The following UNC13C variants were observed in gnomAD, a reference collection of about 807,000 sequenced individuals.
The protein encoded by UNC13C is unc-13 homolog C.
UNC13C carries 174 observed loss-of-function variants against 245.4 expected under a neutral mutation model. That is an observed-to-expected ratio of 0.71 (90% confidence interval 0.63 to 0.80). The LOEUF (loss-of-function observed/expected upper bound fraction) is 0.80, where lower values mean the gene tolerates loss of function less well. Ranked by LOEUF, UNC13C falls within the 30% of genes least tolerant of loss-of-function variation. The probability of loss-of-function intolerance (pLI) is 0.00; values close to 1 mark genes in which losing one functional copy is unlikely to be tolerated. For missense variants in UNC13C, 2,829 were observed against 2,602.9 expected (o/e 1.09, Z -1.89); for synonymous variants, 992 against 895.1 (o/e 1.11, Z -1.93).
chr15:54,334,483 T>C (rs1044613184), intron 16 of UNC13C, among the ~76,000 whole-genome samples: 1 of 152,074 alleles, frequency 6.6e-6, no homozygotes, highest in African/African-American at 2.4e-5. Flanking sequence ...ATATACACTC[T>C]TTGAAAGACA....
At position 54,332,099 on chromosome 15, in the gene UNC13C, G is replaced by C. The variant is rs372157757; in HGVS notation, c.4482G>C (p.Leu1494=). The part of the protein sequence containing the change: ...DQLHNSLRID[L]SKYRENFPAS... ...TACATAACTCTTTGAGGATTGATCT[G>C]TCAAAGTATAGGGTATGTACAAATT... is the stretch of plus-strand genomic sequence containing the variant. The change falls in exon 15 of 33, where the codon CTG becomes CTC. Residue 1494 remains leucine (L), a synonymous_variant. Coordinates refer to ENST00000260323, the MANE Select transcript of UNC13C (RefSeq NM_001080534.3). 1.3e-6 allele frequency: 2 copies of C among 1,575,244 alleles called. No individual in the cohort carries two copies. Among genetic ancestry groups the C allele is most frequent in the African/African-American group, 1.3e-5 (1 of 74,280 alleles).
chr15:54,235,102 A>G lies in UNC13C; in HGVS notation c.3144A>G (p.Arg1048=), dbSNP rs750980503. ...LRRKKTLPIV[R]DVAMTLAARK... ...GAAAAAAAACTTTGCCTATTGTCCG[A>G]GATGTGGTAAGTTACAACTGTTTAA... is the stretch of plus-strand genomic sequence containing the variant. The change falls in exon 5 of 33, where the codon CGA becomes CGG. Residue 1048 remains arginine, a synonymous_variant. Coordinates refer to ENST00000260323, the MANE Select transcript of UNC13C (RefSeq NM_001080534.3). 2 of 1,613,778 alleles carry G rather than the reference A, an allele frequency of 1.2e-6. No homozygotes were observed. Among genetic ancestry groups the G allele is most frequent in the East Asian group, 2.2e-5 (1 of 44,870 alleles).
At chr15:54,420,102 ACT>A (rs948764370) in intron 19 of UNC13C, among the ~76,000 whole-genome samples, 1 of 151,828 alleles carries the variant, frequency 6.6e-6, no homozygotes, top group Non-Finnish European at 1.5e-5. Context: ...TAAAAGAGAA[ACT>A]CTCAGCTTGG....
At chr15:53,841,361 A>T in the UNC13C span, among the ~76,000 whole-genome samples, 1 of 152,186 alleles carries the variant, frequency 6.6e-6, no homozygotes, top group East Asian at 1.9e-4. Flanking sequence ...ATATCTTGAA[A>T]GCTTCAACCA....
At chr15:54,008,744 G>C (rs1242167114) in intron 1 of UNC13C, among the ~76,000 whole-genome samples, 2 of 152,074 alleles carry the variant, frequency 1.3e-5, no homozygotes, top group Non-Finnish European at 1.5e-5. Flanking sequence ...GGTTTGTATG[G>C]GCTGGGTGTA....
chr15:53,845,088 G>A, the UNC13C span, among the ~76,000 whole-genome samples: 1 of 152,236 alleles, frequency 6.6e-6, no homozygotes, highest in East Asian at 1.9e-4. Flanking sequence ...CACTTTGGGA[G>A]GCCAAGGTGG....
intron 8 of UNC13C, among the ~76,000 whole-genome samples, chr15:54,257,302 A>G (rs769860844): frequency 1.3e-5 from 2 of 152,184 alleles, no homozygotes; most frequent in Non-Finnish European, 2.9e-5. Context: ...TTGTTCCCCT[A>G]AACAATATAG....
chr15:54,210,954 G>A (rs1567101004), intron 4 of UNC13C, among the ~76,000 whole-genome samples: 1 of 152,072 alleles, frequency 6.6e-6, no homozygotes, highest in Non-Finnish European at 1.5e-5. Context: ...AAACAAATCT[G>A]TACTCTATTC....
At chr15:53,847,753 A>G in the UNC13C span, among the ~76,000 whole-genome samples, 1 of 152,110 alleles carries the variant, frequency 6.6e-6, no homozygotes, top group Non-Finnish European at 1.5e-5. Flanking sequence ...GGGATGACCC[A>G]GTGGAACAAA....
intron 30 of UNC13C, among the ~76,000 whole-genome samples, chr15:54,617,152 T>A (rs914471025): frequency 1.8e-4 from 27 of 152,010 alleles, no homozygotes; most frequent in Non-Finnish European, 2.5e-4. Flanking sequence ...TGCCCGTCAT[T>A]AAGTGACATG....
chr15:54,207,147 G>GATGATA (rs1423190171), intron 4 of UNC13C, among the ~76,000 whole-genome samples: 1 of 151,838 alleles, frequency 6.6e-6, no homozygotes, highest in Non-Finnish European at 1.5e-5. Context: ...TGATGATGAT[G>GATGATA]ATGATAATTA....
intron 30 of UNC13C, among the ~76,000 whole-genome samples, chr15:54,580,144 TG>T (rs1389424762): frequency 1.3e-5 from 2 of 152,222 alleles, no homozygotes; most frequent in African/African-American, 4.8e-5. Context: ...CGCCTGTTTT[TG>T]TTCACTGAGA....
rs761068844 is a variant in UNC13C at position 54,555,412 on chromosome 15, A to G, written c.5878-20A>G. ...ACATGAACTGGTTGTTTTATAAGCA[A>G]TTCTTCACCTGTTTTCCAGGAGCAC... On this transcript the variant is annotated intron_variant, in intron 28 of 32. Coordinates refer to ENST00000260323, the MANE Select transcript of UNC13C (RefSeq NM_001080534.3). 4 of 1,609,542 alleles carry G rather than the reference A, an allele frequency of 2.5e-6. No homozygotes were observed. The highest frequency in any genetic ancestry group is 1.1e-5 in the South Asian group (1 of 90,708).
intron 30 of UNC13C, among the ~76,000 whole-genome samples, chr15:54,612,457 A>C (rs1413824334): frequency 6.6e-6 from 1 of 152,040 alleles, no homozygotes; most frequent in African/African-American, 2.4e-5. Context: ...ACATTTTCCC[A>C]GTTGACAGAT....
intron 4 of UNC13C, among the ~76,000 whole-genome samples, chr15:54,145,126 T>C (rs1378915718): frequency 2.0e-5 from 3 of 151,980 alleles, no homozygotes; most frequent in South Asian, 4.1e-4. Flanking sequence ...ATATGTATAG[T>C]GTATTAGATG....
At chr15:54,391,780 A>G (rs1236365126) in intron 17 of UNC13C, among the ~76,000 whole-genome samples, 2 of 152,148 alleles carry the variant, frequency 1.3e-5, no homozygotes, top group Non-Finnish European at 2.9e-5. Context: ...AAAGTACATT[A>G]TAGTCTAAGA....
chr15:54,088,173 T>C (rs1899349248), intron 2 of UNC13C, among the ~76,000 whole-genome samples: 2 of 150,182 alleles, frequency 1.3e-5, no homozygotes, highest in Non-Finnish European at 3.0e-5. Flanking sequence ...TTGGCAAAAA[T>C]GTAGAAGCAG....
chr15:54,369,199 C>T (rs987456226), intron 17 of UNC13C, among the ~76,000 whole-genome samples: 1 of 136,166 alleles, frequency 7.3e-6, no homozygotes, highest in South Asian at 2.5e-4. Flanking sequence ...CCTCCCCCCC[C>T]CAAAAAAAAA....
chr15:54,183,210 G>T (rs1038226557), intron 4 of UNC13C, among the ~76,000 whole-genome samples: 3 of 151,614 alleles, frequency 2.0e-5, no homozygotes, highest in Non-Finnish European at 4.4e-5. Flanking sequence ...GTAATATAAA[G>T]TTGATAAATA....
Sources: gnomAD v4.1 joint callset for allele counts (sites outside exome capture counted in the v4.1 genomes callset) on GRCh38, gnomAD v4.1.1 for gene constraint, MANE v1.5 for transcripts, NCBI Gene and HGNC (gene_info 2026-07-23, HGNC 2026-07-21) for gene names.